ACACA: variants seen among roughly 807,000 people sequenced by gnomAD.
ACACA encodes acetyl-CoA carboxylase alpha.
In ACACA, 103 loss-of-function variants were observed where a neutral mutation model predicts 296.1. The ratio of observed to expected loss-of-function variants is 0.35; its 90% CI spans 0.30 to 0.41. The LOEUF (loss-of-function observed/expected upper bound fraction) is 0.41. Among genes scored for constraint, ACACA ranks in the 10% least tolerant of loss-of-function variants. The pLI, the probability that ACACA is intolerant of heterozygous loss-of-function variation, is 1.00. For missense variants in ACACA, 1,554 were observed against 2,989.7 expected (o/e 0.52, Z 11.20); for synonymous variants, 953 against 1,038.6 (o/e 0.92, Z 1.58).
At chr17:37,129,701 T>A (rs1350714619) in intron 46 of ACACA, among the ~76,000 whole-genome samples, 3 of 152,116 alleles carry the variant, frequency 2.0e-5, no homozygotes, top group Non-Finnish European at 2.9e-5. Flanking sequence ...CAAAGTGGTG[T>A]GTTTTGACTC....
intron 1 of ACACA, among the ~76,000 whole-genome samples, chr17:37,354,318 A>G (rs577942438): frequency 1.8e-4 from 27 of 152,296 alleles, no homozygotes; most frequent in African/African-American, 5.8e-4. Flanking sequence ...GGGGCCACCA[A>G]CCTTTAGGCA....
intron 1 of ACACA, among the ~76,000 whole-genome samples, chr17:37,399,344 A>G (rs1292311512): frequency 6.6e-6 from 1 of 152,168 alleles, no homozygotes; most frequent in Non-Finnish European, 1.5e-5. Context: ...TTCAAAGTCC[A>G]TGCTTGCTTT....
intron 29 of ACACA, among the ~76,000 whole-genome samples, chr17:37,219,859 T>C (rs1175074614): frequency 6.6e-6 from 1 of 151,606 alleles, no homozygotes; most frequent in Non-Finnish European, 1.5e-5. Context: ...AACAGAACTT[T>C]AGATCAAAAA....
chr17:37,363,784 T>G, intron 1 of ACACA, among the ~76,000 whole-genome samples: 1 of 150,144 alleles, frequency 6.7e-6, no homozygotes, highest in East Asian at 2.0e-4. Context: ...TCAGGAGTTC[T>G]AGACCAGCCT....
chr17:37,373,270 T>C (rs1187612397), intron 1 of ACACA, among the ~76,000 whole-genome samples: 1 of 151,976 alleles, frequency 6.6e-6, no homozygotes, highest in Admixed American at 6.6e-5. Context: ...TTTTTTTAAA[T>C]GGAGTCTTGC....
chr17:37,155,261 A>C (rs2076193387), intron 43 of ACACA, among the ~76,000 whole-genome samples: 1 of 152,190 alleles, frequency 6.6e-6, no homozygotes, highest in Non-Finnish European at 1.5e-5. Context: ...TAATGTTTTA[A>C]GAATACACGA....
chr17:37,319,093 T>C (rs2047226819), intron 3 of ACACA, among the ~76,000 whole-genome samples: 2 of 152,186 alleles, frequency 1.3e-5, no homozygotes, highest in African/African-American at 4.8e-5. Flanking sequence ...TATACTTTCA[T>C]GATTTGCTAA....
At chr17:37,205,248 T>C (rs1025251938) in intron 33 of ACACA, among the ~76,000 whole-genome samples, 1 of 152,132 alleles carries the variant, frequency 6.6e-6, no homozygotes, top group Admixed American at 6.6e-5. Context: ...TTTTTTGTTT[T>C]GTTTTATGAG....
chr17:37,382,909 C>T (rs1421766397), intron 1 of ACACA, among the ~76,000 whole-genome samples: 6 of 151,838 alleles, frequency 4.0e-5, no homozygotes, highest in South Asian at 2.1e-4. Flanking sequence ...TGGAGGCACG[C>T]GCTTGTAGTC....
At chr17:37,161,673 A>T in intron 42 of ACACA, 108 bp downstream of exon 42, 1 of 1,333,386 alleles carries the variant, frequency 7.5e-7, no homozygotes, top group Non-Finnish European at 1.0e-6. Context: ...TTTAATTTTT[A>T]CCATAAGTGG....
At chr17:37,176,652 A>T (rs760449011) in intron 41 of ACACA, among the ~76,000 whole-genome samples, 4 of 152,194 alleles carry the variant, frequency 2.6e-5, no homozygotes, top group Non-Finnish European at 4.4e-5. Flanking sequence ...CAGCACGAGG[A>T]AATACATCCT....
intron 47 of ACACA, 86 bp downstream of exon 47, chr17:37,129,279 T>A: frequency 6.4e-7 from 1 of 1,561,198 alleles, no homozygotes; most frequent in Non-Finnish European, 8.8e-7. Flanking sequence ...TAGTCACATG[T>A]GATTGTTCAG....
chr17:37,125,880 G>T, intron 47 of ACACA, 86 bp from the exon 48 acceptor site: 2 of 1,216,722 alleles, frequency 1.6e-6, no homozygotes, highest in South Asian at 1.3e-5. Context: ...AAGGTGGTTT[G>T]GGGGATTATT....
At chr17:37,225,345 G>C (rs531544582) in intron 26 of ACACA, 270 of 476,066 alleles carry the variant, frequency 5.7e-4, no homozygotes, top group African/African-American at 5.1e-3. Flanking sequence ...ATGGTGGGTA[G>C]GGGGAAGGGA....
intron 22 of ACACA, among the ~76,000 whole-genome samples, 157 bp from the exon 23 acceptor site, chr17:37,242,210 T>C (rs750193379): frequency 1.3e-5 from 2 of 152,142 alleles, no homozygotes; most frequent in South Asian, 2.1e-4. Flanking sequence ...GCGTAGTCTA[T>C]ATAGAGAATC....
At chr17:37,388,660 T>C (rs1205780295) in intron 1 of ACACA, 1 of 1,610,982 alleles carries the variant, frequency 6.2e-7, no homozygotes, top group South Asian at 1.1e-5. Flanking sequence ...CACTCCCCTC[T>C]CTCCTTTAGA....
At chr17:37,234,097 A>G (rs2079993564) in intron 25 of ACACA, among the ~76,000 whole-genome samples, 1 of 152,232 alleles carries the variant, frequency 6.6e-6, no homozygotes, top group Non-Finnish European at 1.5e-5. Context: ...TGAAAAAATG[A>G]TGTAATTAAC....
chr17:37,314,634 CTTT>C (rs57554348), intron 3 of ACACA, among the ~76,000 whole-genome samples: 6 of 110,002 alleles, frequency 5.5e-5, no homozygotes, highest in African/African-American at 1.1e-4. Flanking sequence ...GGAATCCACA[CTTT>C]TTTTTTTTTT....
chr17:37,380,306 G>A (rs189913444), intron 1 of ACACA, among the ~76,000 whole-genome samples: 4 of 149,806 alleles, frequency 2.7e-5, no homozygotes, highest in African/African-American at 4.9e-5. Flanking sequence ...GGATAGCATC[G>A]GGAGATATAC....
Sources: gnomAD v4.1 joint callset for allele counts (sites outside exome capture counted in the v4.1 genomes callset) on GRCh38, gnomAD v4.1.1 for gene constraint, MANE v1.5 for transcripts, NCBI Gene and HGNC (gene_info 2026-07-23, HGNC 2026-07-21) for gene names.